The following CDC42BPB variants were observed in gnomAD, a reference collection of about 807,000 sequenced individuals.
The protein encoded by CDC42BPB is serine/threonine-protein kinase MRCK beta.
CDC42BPB carries 37 observed loss-of-function variants against 214.9 expected under a neutral mutation model. That is an observed-to-expected ratio of 0.17 (90% CI 0.13 to 0.23). The LOEUF (loss-of-function observed/expected upper bound fraction) is 0.23, where lower values mean the gene tolerates loss of function less well. CDC42BPB is among the 10% of genes least tolerant of loss of function. CDC42BPB has a pLI of 1.00. For synonymous variants in CDC42BPB, 931 were observed against 884.0 expected (o/e 1.05, Z -0.94); for missense variants, 1,694 against 2,227.0 (o/e 0.76, Z 4.82).
chr14:102,937,967 TG>T, intron 36 of CDC42BPB, 136 bp downstream of exon 36: 1 of 905,990 alleles, frequency 1.1e-6, no homozygotes, highest in Non-Finnish European at 1.8e-6. Context: ...CCCCGACCCC[TG>T]CCCCCGTCAC....
chr14:102,950,152 C>T lies in CDC42BPB; in HGVS notation c.3310-248G>A, dbSNP rs34821809. ...ACCCCATGCAGGGTGCTGTGGTACA[C>T]GCAGCCCGACAGTCTCGTAGAGGTG... On this transcript the variant is annotated intron_variant, in intron 25 of 36. Coordinates refer to ENST00000361246, the MANE Select transcript of CDC42BPB (RefSeq NM_006035.4). The T allele has an allele frequency of 7.5e-4, 712 of 954,820 alleles. 5 individuals are homozygous for T. In the African/African-American group the frequency reaches 9.6e-3, roughly 13 times the overall value. The allele number at this position is 954,820 out of a possible 1,614,324, so 59.1% of individuals were successfully genotyped here. A position where few individuals can be genotyped will look rare whatever the true frequency, so the allele number is the denominator to read the frequency against.
intron 11 of CDC42BPB, among the ~76,000 whole-genome samples, chr14:102,974,832 G>A (rs1263837040): frequency 2.0e-5 from 3 of 152,172 alleles, no homozygotes; most frequent in Non-Finnish European, 4.4e-5. Flanking sequence ...GTGGTGGGGG[G>A]CTACTTGGGA....
At position 102,933,378 on chromosome 14, in the gene CDC42BPB, C is replaced by T. The variant is rs937747202; in HGVS notation, c.*334G>A. ...CAGATGTCTGCTTCCGAAGCAGCCG[C>T]GTCATGACGGGTTTCTGCTGAGGAA... On this transcript the variant is annotated 3_prime_UTR_variant, in exon 37 of 37. Coordinates refer to ENST00000361246, the MANE Select transcript of CDC42BPB (RefSeq NM_006035.4). 2.5e-5 allele frequency: 6 copies of T among 235,912 alleles called. No individual in the cohort carries two copies. Among genetic ancestry groups the T allele is most frequent in the Non-Finnish European group, 4.1e-5 (5 of 122,810 alleles). 14.6% of individuals were successfully genotyped at this position (235,912 alleles called of 1,614,324 possible). A position where few individuals can be genotyped will look rare whatever the true frequency, so the allele number is the denominator to read the frequency against.
At chr14:102,969,698 C>T (rs765616135) in intron 14 of CDC42BPB, among the ~76,000 whole-genome samples, 1 of 152,362 alleles carries the variant, frequency 6.6e-6, no homozygotes, top group East Asian at 1.9e-4. Context: ...TCCCGCCCTC[C>T]GCGGCCTCCC....
chr14:103,041,613 C>A, intron 1 of CDC42BPB: 1 of 787,780 alleles, frequency 1.3e-6, no homozygotes, highest in Non-Finnish European at 2.1e-6. Context: ...CCCTGCACAC[C>A]GCGTTGGGAC....
intron 1 of CDC42BPB, among the ~76,000 whole-genome samples, chr14:103,029,357 C>A (rs376345596): frequency 2.0e-5 from 3 of 150,722 alleles, no homozygotes; most frequent in Non-Finnish European, 3.0e-5. Context: ...CTGGCTAACA[C>A]GGTGAAACCC....
At chr14:103,046,730 T>C (rs1214924704) in intron 1 of CDC42BPB, among the ~76,000 whole-genome samples, 1 of 152,020 alleles carries the variant, frequency 6.6e-6, no homozygotes, top group African/African-American at 2.4e-5. Context: ...CTCGGCTCAC[T>C]GCAACCTCTG....
chr14:102,954,878 T>C, intron 21 of CDC42BPB, 190 bp from the exon 22 acceptor site: 2 of 842,232 alleles, frequency 2.4e-6, no homozygotes, highest in Non-Finnish European at 2.9e-6. Context: ...CTGGCCGGCC[T>C]GCCCTGAGGA....
rs1465559913 is a variant in CDC42BPB, at chr14:103,057,327, C to G, written c.-154G>C. ...CGCGTCGTCGCGCCCCGGCCTAGGCCGACATCTTGGGCTCCGTCCCGACGG... is the reference window on the plus strand; with the variant it reads ...CGCGTCGTCGCGCCCCGGCCTAGGCGGACATCTTGGGCTCCGTCCCGACGG... On this transcript the variant is annotated 5_prime_UTR_variant, in exon 1 of 37. Coordinates refer to ENST00000361246, the MANE Select transcript of CDC42BPB (RefSeq NM_006035.4). 4 of 1,039,304 alleles carry G rather than the reference C, an allele frequency of 3.8e-6. No homozygotes were observed. Among genetic ancestry groups the G allele is most frequent in the East Asian group, 8.3e-5 (1 of 12,048 alleles). 64.4% of individuals were successfully genotyped at this position (1,039,304 alleles called of 1,614,324 possible). A position where few individuals can be genotyped will look rare whatever the true frequency, so the allele number is the denominator to read the frequency against.
Position 102,944,184 on chromosome 14 carries a change from G to A in CDC42BPB, c.4115C>T (p.Ala1372Val), listed in dbSNP as rs1892037577. The A allele has an allele frequency of 6.2e-7, 1 of 1,613,336 alleles. No individual in the cohort carries two copies. Among genetic ancestry groups the A allele is most frequent in the Non-Finnish European group, 8.5e-7 (1 of 1,180,038 alleles). ...CGCCAGGCACTGCACGCTGCCGGGAGCCACAATCTCATTGAACTTTCTGTG... is the reference window on the plus strand; with the variant it reads ...CGCCAGGCACTGCACGCTGCCGGGAACCACAATCTCATTGAACTTTCTGTG... ...PFHRKFNEIV[A>V]PGSVQCLAVL... The change falls in exon 30 of 37, where the codon GCT becomes GTT. Residue 1372 changes from alanine (A) to valine (V), a missense_variant. By Grantham distance (64) the Ala-to-Val change is moderately conservative. Around this residue, in one of 7 missense-constraint regions of CDC42BPB, gnomAD observed 567 missense variants for 790.3 expected, o/e 0.72. Coordinates refer to ENST00000361246, the MANE Select transcript of CDC42BPB (RefSeq NM_006035.4). The surrounding 1 kb of genome is among the most constrained non-coding windows in gnomAD (Gnocchi z 6.6).
intron 1 of CDC42BPB, among the ~76,000 whole-genome samples, chr14:103,045,084 G>A (rs1479411498): frequency 4.0e-5 from 6 of 151,108 alleles, no homozygotes; most frequent in African/African-American, 1.5e-4. Flanking sequence ...AAATAAATTC[G>A]GCTCACCAGT....
intron 5 of CDC42BPB, among the ~76,000 whole-genome samples, chr14:102,987,087 A>G (rs1219102657): frequency 1.3e-5 from 2 of 152,224 alleles, no homozygotes; most frequent in Non-Finnish European, 2.9e-5. Flanking sequence ...GCTGCCACAC[A>G]AAGAGACGGC....
Position 102,944,380 on chromosome 14 carries a change from G to A in CDC42BPB, c.3919C>T (p.Pro1307Ser), listed in dbSNP as rs1375056196. 6.2e-6 allele frequency: 10 copies of A among 1,613,066 alleles called. No homozygotes were observed. Among genetic ancestry groups the A allele is most frequent in the Non-Finnish European group, 8.5e-6 (10 of 1,180,034 alleles). The stretch of plus-strand genomic sequence containing the variant: ...TCCGCTCCATCAAGGGACGACCACG[G>A]ATAGAGGTGCACATGGTGGTTCCGG... ...CGRNHHVHLY[P>S]WSSLDGAEGS... is the part of the protein sequence containing the mutation. The change falls in exon 30 of 37, where the codon CCG (proline) becomes TCG (serine). Residue 1307 changes from proline to serine, a missense_variant. Pro to Ser is a moderately conservative substitution (Grantham distance 74). Around this residue, in one of 7 missense-constraint regions of CDC42BPB, gnomAD observed 567 missense variants for 790.3 expected, o/e 0.72. Transcript: ENST00000361246. This position sits in a 1 kb window ranked among gnomAD's most constrained non-coding sequence, Gnocchi z 6.6.
chr14:103,018,398 G>A (rs918356430), intron 1 of CDC42BPB, among the ~76,000 whole-genome samples: 6 of 152,162 alleles, frequency 3.9e-5, no homozygotes, highest in Non-Finnish European at 8.8e-5. Context: ...TTCATTTGTT[G>A]CTATTTGGAA....
rs1211063257 is a variant in CDC42BPB, at chr14:102,941,672, AAGATTCTAGTGAAAC to A, written c.4409-1363_4409-1349del. ...CAGTGATAAACAGATGCCCAGTGAA[AAGATTCTAGTGAAAC>A]AGATTCTAGTGAAAAGAACATGGGC... On this transcript the variant is annotated intron_variant, in intron 30 of 36. Transcript: ENST00000361246. 2.9e-5 allele frequency: 13 copies of A among 444,706 alleles called. No homozygotes were observed. In the South Asian group the frequency reaches 6.7e-4, roughly 23 times the overall value. The allele number at this position is 444,706 out of a possible 1,614,324, so 27.5% of individuals were successfully genotyped here.
intron 30 of CDC42BPB, among the ~76,000 whole-genome samples, chr14:102,942,999 G>T (rs1361488599): frequency 6.6e-6 from 1 of 152,228 alleles, no homozygotes; most frequent in Admixed American, 6.5e-5. Flanking sequence ...CTCCTGAGTA[G>T]CTGGGACTAC....
intron 1 of CDC42BPB, among the ~76,000 whole-genome samples, chr14:103,050,915 A>C (rs1438111135): frequency 3.3e-5 from 5 of 152,190 alleles, no homozygotes. Context: ...ATTTGAATGA[A>C]ATTATATCAT....
At chr14:102,991,466 T>G (rs924077004) in intron 5 of CDC42BPB, among the ~76,000 whole-genome samples, 1 of 152,356 alleles carries the variant, frequency 6.6e-6, no homozygotes, top group Non-Finnish European at 1.5e-5. Context: ...CAACATGTGA[T>G]CCTGGACTGG....
At chr14:102,936,489 C>T (rs977380526) in intron 36 of CDC42BPB, among the ~76,000 whole-genome samples, 1 of 152,026 alleles carries the variant, frequency 6.6e-6, no homozygotes, top group Non-Finnish European at 1.5e-5. Flanking sequence ...GAGAGCTAGG[C>T]ACAAAAGGTC....
Sources: gnomAD v4.1 joint callset for allele counts (sites outside exome capture counted in the v4.1 genomes callset) on GRCh38, gnomAD v4.1.1 for gene constraint, gnomAD v4.1.1 regional missense constraint, Gnocchi (gnomAD v3.1) non-coding constraint, MANE v1.5 for transcripts, NCBI Gene and HGNC (gene_info 2026-07-23, HGNC 2026-07-21) for gene names.